PCDH7: variants seen among roughly 807,000 people sequenced by gnomAD.
The protein encoded by PCDH7 is protocadherin-7.
In PCDH7, 17 loss-of-function variants were observed where a neutral mutation model predicts 58.9. That is an observed-to-expected ratio of 0.29 (90% CI 0.20 to 0.43). The LOEUF (loss-of-function observed/expected upper bound fraction) is 0.43. Among genes scored for constraint, PCDH7 ranks in the 20% least tolerant of loss-of-function variants. The pLI is 1.00. For synonymous variants in PCDH7, 664 were observed against 616.4 expected, an observed-to-expected ratio of 1.08 and a Z score of -1.14; for missense variants, 1,274 against 1,441.0, an observed-to-expected ratio of 0.88 and a Z score of 1.88.
intron 3 of PCDH7, among the ~76,000 whole-genome samples, chr4:30,963,240 G>A (rs755574201): frequency 1.3e-5 from 2 of 152,130 alleles, no homozygotes; most frequent in Non-Finnish European, 2.9e-5. Flanking sequence ...GCTGTATGTT[G>A]ACTAAGCATA....
At chr4:30,790,801 G>A (rs1211090115) in intron 1 of PCDH7, among the ~76,000 whole-genome samples, 1 of 152,028 alleles carries the variant, frequency 6.6e-6, no homozygotes, top group Non-Finnish European at 1.5e-5. Context: ...GCAGGTGCCT[G>A]TAGTCCCAGC....
At chr4:30,961,069 G>T (rs538203651) in intron 3 of PCDH7, among the ~76,000 whole-genome samples, 1 of 152,042 alleles carries the variant, frequency 6.6e-6, no homozygotes, top group Non-Finnish European at 1.5e-5. Flanking sequence ...ATCTTTAAAA[G>T]ACTATTTTCT....
chr4:30,935,284 A>G, intron 2 of PCDH7: 1 of 896,318 alleles, frequency 1.1e-6, no homozygotes, highest in Non-Finnish European at 1.3e-6. Context: ...AATATTTATT[A>G]AATGCATGAT....
At chr4:30,979,355 A>T (rs1217542380) in intron 3 of PCDH7, among the ~76,000 whole-genome samples, 1 of 151,786 alleles carries the variant, frequency 6.6e-6, no homozygotes, top group African/African-American at 2.4e-5. Context: ...AAAAGAAAAA[A>T]AAATTTGGTA....
intron 1 of PCDH7, among the ~76,000 whole-genome samples, chr4:30,862,554 G>C (rs1734337002): frequency 6.6e-6 from 1 of 152,166 alleles, no homozygotes; most frequent in Non-Finnish European, 1.5e-5. Flanking sequence ...TTACATTTAA[G>C]AAGTGATAAC....
At chr4:31,102,555 T>C (rs956505411) in intron 3 of PCDH7, among the ~76,000 whole-genome samples, 1 of 151,894 alleles carries the variant, frequency 6.6e-6, no homozygotes, top group Non-Finnish European at 1.5e-5. Flanking sequence ...AAACTCTGTC[T>C]CTACTAAAAA....
intron 3 of PCDH7, among the ~76,000 whole-genome samples, chr4:30,969,343 C>A (rs1481258477): frequency 6.6e-6 from 1 of 151,998 alleles, no homozygotes; most frequent in Non-Finnish European, 1.5e-5. Flanking sequence ...AAGAAAGAAG[C>A]TTGATTTTGT....
At chr4:30,979,820 A>G (rs1750397801) in intron 3 of PCDH7, among the ~76,000 whole-genome samples, 1 of 151,952 alleles carries the variant, frequency 6.6e-6, no homozygotes, top group African/African-American at 2.4e-5. Flanking sequence ...TTAATTTCCT[A>G]TTGAGCCTGA....
At chr4:30,840,066 G>T (rs1333829033) in intron 1 of PCDH7, among the ~76,000 whole-genome samples, 7 of 151,608 alleles carry the variant, frequency 4.6e-5, no homozygotes, top group Non-Finnish European at 1.0e-4. Context: ...TTTTGTAACT[G>T]TTTGGAGGAG....
At chr4:31,119,781 T>C (rs1056739332) in intron 3 of PCDH7, among the ~76,000 whole-genome samples, 3 of 152,104 alleles carry the variant, frequency 2.0e-5, no homozygotes, top group African/African-American at 7.2e-5. Context: ...ACTGGAGTTA[T>C]ACACATGCTC....
At chr4:30,801,872 T>C (rs1725566374) in intron 1 of PCDH7, among the ~76,000 whole-genome samples, 1 of 152,184 alleles carries the variant, frequency 6.6e-6, no homozygotes, top group African/African-American at 2.4e-5. Flanking sequence ...ATTTATTTAA[T>C]TCCTATGCTC....
At chr4:30,798,130 T>A (rs541769818) in intron 1 of PCDH7, among the ~76,000 whole-genome samples, 105 of 152,150 alleles carry the variant, frequency 6.9e-4, no homozygotes, top group Non-Finnish European at 1.4e-3. Context: ...CAGCATCATA[T>A]AAAATGAGGC....
At chr4:30,743,571 G>A (rs760575543) in intron 1 of PCDH7, among the ~76,000 whole-genome samples, 10 of 151,958 alleles carry the variant, frequency 6.6e-5, no homozygotes, top group Non-Finnish European at 1.3e-4. Context: ...ATAGGAAGTT[G>A]TATCTTTCTG....
chr4:31,057,423 A>G lies in PCDH7; in HGVS notation c.*8-85050A>G, dbSNP rs138254013. On this transcript the variant is annotated intron_variant, in intron 3 of 3. Coordinates refer to the PCDH7 transcript ENST00000509759. Reference sequence around the variant, plus strand: ...ATTGCATGAGTCTCCTGGTATAAACATATATGAACTTTTCTGTACTGGGGA... The same window carrying G: ...ATTGCATGAGTCTCCTGGTATAAACGTATATGAACTTTTCTGTACTGGGGA... Among the ~76,000 whole-genome samples the G allele has an allele frequency of 4.1e-3, 630 of 152,298 alleles. 4 individuals are homozygous for G. Among genetic ancestry groups the G allele is most frequent in the African/African-American group, 0.015 (603 of 41,574 alleles).
intron 1 of PCDH7, among the ~76,000 whole-genome samples, chr4:30,738,319 C>G (rs996854203): frequency 3.3e-5 from 5 of 151,596 alleles, no homozygotes; most frequent in African/African-American, 1.2e-4. Flanking sequence ...TGGGAAAGTA[C>G]GCTTCCCATT....
chr4:31,135,933 G>C (rs1056206837), intron 3 of PCDH7, among the ~76,000 whole-genome samples: 3 of 152,168 alleles, frequency 2.0e-5, no homozygotes, highest in Non-Finnish European at 2.9e-5. Flanking sequence ...AGGGCTTACT[G>C]CATGTCAAAA....
At chr4:31,126,241 T>TG (rs1233389352) in intron 3 of PCDH7, among the ~76,000 whole-genome samples, 1 of 151,318 alleles carries the variant, frequency 6.6e-6, no homozygotes, top group South Asian at 2.1e-4. Context: ...CTCATGCCCC[T>TG]GCTGCCTGGG....
chr4:31,103,360 G>A (rs1329466620), intron 3 of PCDH7, among the ~76,000 whole-genome samples: 1 of 151,560 alleles, frequency 6.6e-6, no homozygotes, highest in Non-Finnish European at 1.5e-5. Flanking sequence ...TTGTTTTTGA[G>A]ACAGCGTCTT....
chr4:30,773,027 A>G (rs1721612747), intron 1 of PCDH7, among the ~76,000 whole-genome samples: 2 of 152,072 alleles, frequency 1.3e-5, no homozygotes, highest in Non-Finnish European at 2.9e-5. Context: ...TCAATCTTCC[A>G]AGTAGCTGGG....
Sources: allele counts gnomAD v4.1 joint callset (sites outside exome capture counted in the v4.1 genomes callset), GRCh38; gene constraint gnomAD v4.1.1; transcripts MANE v1.5; gene names NCBI Gene and HGNC (gene_info 2026-07-23, HGNC 2026-07-21).